The following PRKG1 variants were observed in gnomAD, a reference collection of about 807,000 sequenced individuals.
PRKG1 encodes the protein cGMP-dependent protein kinase 1.
PRKG1 carries 35 observed loss-of-function variants against 88.1 expected under a neutral mutation model. The observed-to-expected ratio is 0.40, with a 90% CI of 0.30 to 0.53. The LOEUF (loss-of-function observed/expected upper bound fraction) is 0.53. PRKG1 is among the 20% of genes least tolerant of loss of function. The pLI, the probability that PRKG1 is intolerant of heterozygous loss-of-function variation, is 0.59. For synonymous variants in PRKG1, 303 were observed against 292.5 expected (o/e 1.04, Z -0.37); for missense variants, 540 against 839.8 (o/e 0.64, Z 4.41).
chr10:51,260,204 C>T (rs1839668353), intron 2 of PRKG1, among the ~76,000 whole-genome samples: 1 of 151,954 alleles, frequency 6.6e-6, no homozygotes. Context: ...CCATATGAGC[C>T]AGAAAACCAC....
intron 1 of PRKG1, among the ~76,000 whole-genome samples, chr10:51,011,988 C>T (rs1028329808): frequency 1.3e-5 from 2 of 152,188 alleles, no homozygotes; most frequent in Admixed American, 1.3e-4. Flanking sequence ...CAGGGGAACT[C>T]CCCTTTATGA....
intron 2 of PRKG1, among the ~76,000 whole-genome samples, chr10:51,258,899 C>T (rs572830300): frequency 1.7e-4 from 26 of 152,310 alleles, no homozygotes; most frequent in Admixed American, 1.5e-3. Context: ...AAGAGTGAGT[C>T]CCTTTAGTGC....
intron 1 of PRKG1, among the ~76,000 whole-genome samples, chr10:51,014,757 G>A (rs1349009977): frequency 6.6e-6 from 1 of 152,122 alleles, no homozygotes; most frequent in East Asian, 1.9e-4. Context: ...ACATATTTAT[G>A]TGTCAATTAA....
chr10:51,522,614 T>C (rs1291466257), intron 3 of PRKG1, among the ~76,000 whole-genome samples: 1 of 152,178 alleles, frequency 6.6e-6, no homozygotes, highest in Non-Finnish European at 1.5e-5. Flanking sequence ...TGTATGTGAA[T>C]GAGGGTGTGT....
chr10:51,417,383 C>A (rs1838270767), intron 2 of PRKG1, among the ~76,000 whole-genome samples: 1 of 152,130 alleles, frequency 6.6e-6, no homozygotes, highest in Admixed American at 6.6e-5. Flanking sequence ...CATTCAGCCT[C>A]TTTATTTTAA....
chr10:51,156,324 C>CACACACACACACACACACA (rs1564620908), intron 2 of PRKG1, among the ~76,000 whole-genome samples: 42 of 139,726 alleles, frequency 3.0e-4, no homozygotes, highest in South Asian at 6.4e-4. Context: ...AACACACACA[C>CACACACACACACACACACA]CCGAATGTAA....
chr10:51,025,592 T>C (rs566048843), intron 1 of PRKG1, among the ~76,000 whole-genome samples: 3 of 152,168 alleles, frequency 2.0e-5, no homozygotes, highest in African/African-American at 2.4e-5. Flanking sequence ...TGGTGTCCCT[T>C]TCCCCTCAAA....
At chr10:51,761,776 A>G (rs188404787) in intron 3 of PRKG1, among the ~76,000 whole-genome samples, 91 of 152,334 alleles carry the variant, frequency 6.0e-4, no homozygotes, top group Non-Finnish European at 1.1e-3. Context: ...TGTAGAGTTA[A>G]TTATACCATT....
rs115262586 is a variant in PRKG1 at position 51,370,569 on chromosome 10, C to T, written c.479-97154C>T. Among the ~76,000 whole-genome samples, 631 of 151,120 alleles carry T rather than the reference C, an allele frequency of 4.2e-3. 2 individuals are homozygous for T. The highest frequency in any genetic ancestry group is 0.015 in the African/African-American group (608 of 41,186). ...TAGTCCCAGCAGCAGCCAGTCCCAG[C>T]CTTACCCTCACCATGCCTTATAATG... On this transcript the variant is annotated intron_variant, in intron 2 of 17. Coordinates refer to ENST00000373980, the MANE Select transcript of PRKG1 (RefSeq NM_006258.4).
chr10:51,470,654 G>A (rs1236758186), intron 3 of PRKG1, among the ~76,000 whole-genome samples: 1 of 151,844 alleles, frequency 6.6e-6, no homozygotes, highest in Non-Finnish European at 1.5e-5. Context: ...ATTGTATCAG[G>A]CTGTTAATAA....
intron 4 of PRKG1, among the ~76,000 whole-genome samples, chr10:51,892,145 A>G (rs1008799336): frequency 6.6e-6 from 1 of 152,178 alleles, no homozygotes; most frequent in African/African-American, 2.4e-5. Context: ...ACGTTAATAG[A>G]TATTCCCGAA....
chr10:51,304,948 G>A (rs925938317), intron 2 of PRKG1, among the ~76,000 whole-genome samples: 2 of 152,096 alleles, frequency 1.3e-5, no homozygotes, highest in African/African-American at 4.8e-5. Context: ...AGCAGAGCTA[G>A]TGCTTCAACC....
At chr10:52,172,177 G>T (rs990430324) in intron 9 of PRKG1, among the ~76,000 whole-genome samples, 7 of 152,192 alleles carry the variant, frequency 4.6e-5, no homozygotes, top group African/African-American at 1.7e-4. Context: ...GACTCTCTAG[G>T]TAAGAAGACT....
At chr10:51,357,778 G>A (rs895738456) in intron 2 of PRKG1, among the ~76,000 whole-genome samples, 1 of 151,740 alleles carries the variant, frequency 6.6e-6, no homozygotes, top group Non-Finnish European at 1.5e-5. Context: ...CTTTGTCTAA[G>A]CCCAGCATTC....
At chr10:51,246,246 G>A (rs765277290) in intron 2 of PRKG1, among the ~76,000 whole-genome samples, 1 of 151,966 alleles carries the variant, frequency 6.6e-6, no homozygotes, top group African/African-American at 2.4e-5. Flanking sequence ...ATTTATAAAC[G>A]AGTCCAAAGT....
intron 3 of PRKG1, among the ~76,000 whole-genome samples, chr10:51,590,815 G>A (rs187791087): frequency 1.5e-5 from 2 of 132,612 alleles, no homozygotes; most frequent in African/African-American, 8.5e-5. Flanking sequence ...TTTCGATATG[G>A]GGGGGGTGGG....
At chr10:51,609,711 C>T (rs1838855604) in intron 3 of PRKG1, among the ~76,000 whole-genome samples, 1 of 152,120 alleles carries the variant, frequency 6.6e-6, no homozygotes, top group Non-Finnish European at 1.5e-5. Context: ...AGATGGAAGC[C>T]ATATCCTCAG....
chr10:52,160,249 T>C (rs1335044396), intron 8 of PRKG1, among the ~76,000 whole-genome samples: 3 of 151,984 alleles, frequency 2.0e-5, no homozygotes, highest in Non-Finnish European at 2.9e-5. Flanking sequence ...AATTTTACCA[T>C]ATAAAGAACA....
At chr10:51,304,956 A>T (rs956153790) in intron 2 of PRKG1, among the ~76,000 whole-genome samples, 3 of 152,026 alleles carry the variant, frequency 2.0e-5, no homozygotes, top group Non-Finnish European at 4.4e-5. Context: ...TAGTGCTTCA[A>T]CCCAGGGCCA....
Sources: gnomAD v4.1 joint callset for allele counts (sites outside exome capture counted in the v4.1 genomes callset) on GRCh38, gnomAD v4.1.1 for gene constraint, MANE v1.5 for transcripts, NCBI Gene and HGNC (gene_info 2026-07-23, HGNC 2026-07-21) for gene names.